The following PCDH15 variants were observed in gnomAD, a reference collection of about 807,000 sequenced individuals.
PCDH15 encodes protocadherin related 15.
Under a neutral mutation model 178.5 loss-of-function variants are expected in PCDH15, and 129 were observed. That is an observed-to-expected ratio of 0.72 (90% CI 0.63 to 0.84). The LOEUF (loss-of-function observed/expected upper bound fraction) is 0.84. Ranked by LOEUF, PCDH15 falls within the 40% of genes least tolerant of loss-of-function variation. PCDH15 has a pLI of 0.00. For synonymous variants in PCDH15, 800 were observed against 732.0 expected (o/e 1.09, Z -1.50); for missense variants, 2,230 against 2,099.9 (o/e 1.06, Z -1.21).
chr10:54,421,911 ACT>A (rs1565232165), intron 3 of PCDH15, among the ~76,000 whole-genome samples: 1 of 79,850 alleles, frequency 1.3e-5, no homozygotes, highest in Admixed American at 1.2e-4. Context: ...ATATATATAC[ACT>A]ATATATATAT....
intron 3 of PCDH15, among the ~76,000 whole-genome samples, chr10:54,821,505 G>A (rs77309194): frequency 0.014 from 2,194 of 151,886 alleles, 45 homozygotes; most frequent in African/African-American, 0.049. Flanking sequence ...TTTAAAAGTT[G>A]GCACATACCA....
At chr10:54,014,056 A>G (rs990530520) in intron 20 of PCDH15, among the ~76,000 whole-genome samples, 12 of 152,184 alleles carry the variant, frequency 7.9e-5, no homozygotes, top group Admixed American at 7.2e-4. Context: ...ACTAAACACA[A>G]TCAGAAATGA....
chr10:53,917,428 TA>T (rs903177744), intron 25 of PCDH15, among the ~76,000 whole-genome samples: 1 of 151,760 alleles, frequency 6.6e-6, no homozygotes, highest in African/African-American at 2.4e-5. Flanking sequence ...TTTGTTTAAA[TA>T]AAAAAAGATG....
At chr10:54,324,174 G>A (rs2061789630) in intron 7 of PCDH15, among the ~76,000 whole-genome samples, 3 of 152,062 alleles carry the variant, frequency 2.0e-5, no homozygotes, top group Non-Finnish European at 2.9e-5. Context: ...GGTCAGGGTA[G>A]AGGTTATTTC....
intron 2 of PCDH15, chr10:54,656,172 C>G (rs557339675): frequency 2.6e-5 from 4 of 151,916 alleles, no homozygotes; most frequent in Non-Finnish European, 5.9e-5. Context: ...TGCTAGTTCT[C>G]GGAAAGATCA....
At chr10:54,873,304 C>A (rs1954072876) in intron 3 of PCDH15, among the ~76,000 whole-genome samples, 1 of 151,882 alleles carries the variant, frequency 6.6e-6, no homozygotes, top group African/African-American at 2.4e-5. Flanking sequence ...TCGATGAAGT[C>A]TACCTAAATA....
At chr10:55,447,390 A>G (rs1466155493) in intron 2 of PCDH15, among the ~76,000 whole-genome samples, 1 of 152,072 alleles carries the variant, frequency 6.6e-6, no homozygotes, top group East Asian at 1.9e-4. Flanking sequence ...TAGAAATGTA[A>G]TATCATAGAA....
At chr10:55,426,201 A>C (rs532155686) in intron 2 of PCDH15, among the ~76,000 whole-genome samples, 9 of 152,326 alleles carry the variant, frequency 5.9e-5, no homozygotes, top group Non-Finnish European at 1.3e-4. Flanking sequence ...GGACTTAACG[A>C]AGCAGGATAT....
intron 1 of PCDH15, among the ~76,000 whole-genome samples, chr10:54,727,200 C>A (rs117423392): frequency 0.12 from 18,373 of 150,900 alleles, 1,233 homozygotes; most frequent in African/African-American, 0.17. Context: ...TTCCATGAAG[C>A]AATTCTCAAC....
rs116841668 is a variant in PCDH15, at chr10:55,390,795, G to A, written c.-155-224144C>T. Among the ~76,000 whole-genome samples the A allele has an allele frequency of 8.0e-4, 122 of 152,288 alleles. 2 individuals are homozygous for A. The East Asian group carries it at 0.02, about 25-fold the overall frequency. On this transcript the variant is annotated intron_variant, in intron 2 of 5. Transcript: ENST00000613346. ...GAGCTCTTGGGTGACCAGGTGCATTGTCAATGAGCAGTAGTAATATTTCAA... is the reference window on the plus strand; with the variant it reads ...GAGCTCTTGGGTGACCAGGTGCATTATCAATGAGCAGTAGTAATATTTCAA...
At chr10:53,844,530 C>T (rs1037936707) in intron 28 of PCDH15, among the ~76,000 whole-genome samples, 2 of 151,766 alleles carry the variant, frequency 1.3e-5, no homozygotes, top group Admixed American at 1.3e-4. Context: ...ACCATAAAAA[C>T]AGACACGTAC....
intron 1 of PCDH15, among the ~76,000 whole-genome samples, chr10:54,726,790 G>A (rs571178906): frequency 6.8e-6 from 1 of 147,590 alleles, no homozygotes; most frequent in East Asian, 2.0e-4. Context: ...AATAGGCCAA[G>A]CTGAAGAAAA....
At chr10:54,069,554 C>T (rs1486285330) in intron 17 of PCDH15, among the ~76,000 whole-genome samples, 1 of 151,986 alleles carries the variant, frequency 6.6e-6, no homozygotes, top group African/African-American at 2.4e-5. Flanking sequence ...GAATAATTTC[C>T]AGTTTATATA....
At chr10:54,583,526 C>A (rs531966541) in intron 2 of PCDH15, among the ~76,000 whole-genome samples, 56 of 152,028 alleles carry the variant, frequency 3.7e-4, no homozygotes, top group Non-Finnish European at 4.1e-4. Flanking sequence ...CCACAATGGG[C>A]AAATGCTTTT....
At chr10:54,629,705 A>C (rs544125998) in intron 2 of PCDH15, among the ~76,000 whole-genome samples, 23 of 152,256 alleles carry the variant, frequency 1.5e-4, no homozygotes, top group African/African-American at 5.1e-4. Flanking sequence ...CACTTTCACC[A>C]TTCCTATTCA....
chr10:54,378,127 A>G (rs965758385), intron 4 of PCDH15, among the ~76,000 whole-genome samples: 3 of 151,774 alleles, frequency 2.0e-5, no homozygotes, highest in African/African-American at 7.3e-5. Context: ...GTCTTACTCT[A>G]TTTGCCAGGC....
intron 7 of PCDH15, among the ~76,000 whole-genome samples, chr10:54,320,516 T>C (rs150157809): frequency 6.6e-6 from 1 of 152,190 alleles, no homozygotes; most frequent in Admixed American, 6.6e-5. Context: ...AAATTATTCT[T>C]AAGATGTATG....
intron 1 of PCDH15, among the ~76,000 whole-genome samples, chr10:55,305,833 A>G (rs945762573): frequency 1.3e-5 from 2 of 152,202 alleles, no homozygotes; most frequent in African/African-American, 4.8e-5. Flanking sequence ...AGTGCTATGA[A>G]AATTTAAAGG....
intron 7 of PCDH15, among the ~76,000 whole-genome samples, chr10:54,324,190 A>C (rs1369566824): frequency 6.6e-6 from 1 of 152,140 alleles, no homozygotes; most frequent in Non-Finnish European, 1.5e-5. Flanking sequence ...ATTTCTGAAA[A>C]GTTGTTTACA....
Sources: gnomAD v4.1 joint callset for allele counts (sites outside exome capture counted in the v4.1 genomes callset) on GRCh38, gnomAD v4.1.1 for gene constraint, MANE v1.5 for transcripts, NCBI Gene and HGNC (gene_info 2026-07-23, HGNC 2026-07-21) for gene names.